KCNN2: variants seen among roughly 807,000 people sequenced by gnomAD.
KCNN2 encodes the protein small conductance calcium-activated potassium channel protein 2.
A neutral mutation model predicts 55.5 loss-of-function variants in KCNN2; 24 were observed. That is an observed-to-expected ratio of 0.43 (90% confidence interval 0.31 to 0.61). The LOEUF (loss-of-function observed/expected upper bound fraction) is 0.61. Ranked by LOEUF, KCNN2 falls within the 20% of genes least tolerant of loss-of-function variation. The pLI, the probability that KCNN2 is intolerant of heterozygous loss-of-function variation, is 0.08. For missense variants in KCNN2, 754 were observed against 853.6 expected, an observed-to-expected ratio of 0.88 and a Z score of 1.45; for synonymous variants, 431 against 336.1, an observed-to-expected ratio of 1.28 and a Z score of -3.09.
intron 4 of KCNN2, among the ~76,000 whole-genome samples, chr5:114,468,570 T>A (rs1580884067): frequency 6.6e-6 from 1 of 152,196 alleles, no homozygotes. Context: ...AAACTGGCTG[T>A]CAAACTGAAT....
chr5:114,340,044 AT>A (rs1374026176), intron 2 of KCNN2, among the ~76,000 whole-genome samples: 1 of 152,144 alleles, frequency 6.6e-6, no homozygotes, highest in Non-Finnish European at 1.5e-5. Context: ...TCAAGTCAGG[AT>A]TTGAATTCAG....
intron 7 of KCNN2, 131 bp from the exon 8 acceptor site, chr5:114,495,764 G>A (rs1300955520): frequency 1.3e-6 from 1 of 764,590 alleles, no homozygotes; most frequent in Non-Finnish European, 2.2e-6. Context: ...TGCAAGATGA[G>A]CTGTTCAGTT....
At chr5:114,344,834 A>G (rs1475932589) in intron 2 of KCNN2, among the ~76,000 whole-genome samples, 2 of 152,242 alleles carry the variant, frequency 1.3e-5, no homozygotes, top group Non-Finnish European at 2.9e-5. Context: ...CGGAAAAATT[A>G]CAGCCCATTT....
At chr5:114,285,010 C>T (rs557204393) in intron 2 of KCNN2, among the ~76,000 whole-genome samples, 5 of 151,408 alleles carry the variant, frequency 3.3e-5, no homozygotes, top group African/African-American at 4.8e-5. Context: ...AGGCTGGGCG[C>T]GGTGGCTCAT....
chr5:114,113,479 G>A (rs184046753), intron 1 of KCNN2, among the ~76,000 whole-genome samples: 218 of 152,094 alleles, frequency 1.4e-3, no homozygotes, highest in Non-Finnish European at 2.6e-3. Context: ...CTGGGGCCCT[G>A]TAAAATAGAC....
chr5:114,220,573 A>G (rs1027113589), intron 1 of KCNN2, among the ~76,000 whole-genome samples: 6 of 152,170 alleles, frequency 3.9e-5, no homozygotes, highest in African/African-American at 1.4e-4. Context: ...GAATTATGAA[A>G]TACAAACAGA....
intron 1 of KCNN2, among the ~76,000 whole-genome samples, chr5:114,064,919 C>T (rs1456872361): frequency 6.6e-6 from 1 of 152,162 alleles, no homozygotes; most frequent in Non-Finnish European, 1.5e-5. Context: ...ATCCAGAGAT[C>T]AGAGCCCAAG....
intron 1 of KCNN2, among the ~76,000 whole-genome samples, chr5:114,071,952 ATTG>A (rs1750577955): frequency 6.6e-6 from 1 of 152,070 alleles, no homozygotes; most frequent in South Asian, 2.1e-4. Flanking sequence ...GACTGATGTT[ATTG>A]TTGTGGGAGT....
At chr5:114,290,702 A>C (rs775426813) in intron 2 of KCNN2, among the ~76,000 whole-genome samples, 1 of 152,120 alleles carries the variant, frequency 6.6e-6, no homozygotes, top group Admixed American at 6.6e-5. Context: ...CCAGCCTTGC[A>C]TAGAAATAGA....
At chr5:114,165,857 G>T (rs370589319) in intron 1 of KCNN2, among the ~76,000 whole-genome samples, 1 of 152,076 alleles carries the variant, frequency 6.6e-6, no homozygotes, top group African/African-American at 2.4e-5. Flanking sequence ...GAAGCCAAAA[G>T]TTATACATGG....
At chr5:114,181,301 T>C (rs1360311501) in intron 1 of KCNN2, among the ~76,000 whole-genome samples, 1 of 152,214 alleles carries the variant, frequency 6.6e-6, no homozygotes, top group Non-Finnish European at 1.5e-5. Context: ...CCATTCTGTT[T>C]TGTATGTGTA....
At chr5:114,416,607 C>G (rs992136341) in intron 3 of KCNN2, among the ~76,000 whole-genome samples, 2 of 152,152 alleles carry the variant, frequency 1.3e-5, no homozygotes, top group African/African-American at 2.4e-5. Context: ...GCCACAGGAG[C>G]AAAAGATGTT....
chr5:114,476,037 CT>C (rs559885873), intron 5 of KCNN2, among the ~76,000 whole-genome samples: 14 of 149,608 alleles, frequency 9.4e-5, no homozygotes, highest in South Asian at 2.1e-4. Context: ...TTCATTACTA[CT>C]TTTTTTTTTA....
intron 1 of KCNN2, among the ~76,000 whole-genome samples, chr5:114,116,160 T>C (rs2112589875): frequency 6.6e-6 from 1 of 151,986 alleles, no homozygotes; most frequent in Non-Finnish European, 1.5e-5. Context: ...AAGTAGAAAG[T>C]GAGACCTCCC....
intron 2 of KCNN2, among the ~76,000 whole-genome samples, chr5:114,399,047 A>G (rs927578964): frequency 3.9e-5 from 6 of 152,106 alleles, no homozygotes; most frequent in African/African-American, 1.4e-4. Context: ...TTTCTCTTAC[A>G]TGATCGCTCT....
chr5:114,458,062 C>T (rs1342597911), intron 3 of KCNN2, among the ~76,000 whole-genome samples: 1 of 152,098 alleles, frequency 6.6e-6, no homozygotes, highest in African/African-American at 2.4e-5. Flanking sequence ...CCTTTCATTT[C>T]CCTTTGTTCT....
intron 1 of KCNN2, among the ~76,000 whole-genome samples, chr5:114,162,680 C>T (rs1399515319): frequency 6.6e-6 from 1 of 152,160 alleles, no homozygotes; most frequent in African/African-American, 2.4e-5. Flanking sequence ...ACTTTGTTTA[C>T]CTGCTGAAGC....
At chr5:114,400,837 G>A (rs993249643) in intron 2 of KCNN2, among the ~76,000 whole-genome samples, 3 of 152,124 alleles carry the variant, frequency 2.0e-5, no homozygotes, top group African/African-American at 7.2e-5. Context: ...TTATCCAGAG[G>A]TTTTTCCTGA....
At chr5:114,324,079 G>C (rs36959) in intron 2 of KCNN2, among the ~76,000 whole-genome samples, 66,384 of 151,984 alleles carry the variant, frequency 0.44, 15,646 homozygotes, top group East Asian at 0.84. Context: ...CACAGAGTAT[G>C]AGCTAAAAAG....
Sources: gnomAD v4.1 joint callset for allele counts (sites outside exome capture counted in the v4.1 genomes callset) on GRCh38, gnomAD v4.1.1 for gene constraint, MANE v1.5 for transcripts, NCBI Gene and HGNC (gene_info 2026-07-23, HGNC 2026-07-21) for gene names.